ABLIM1: variants seen among roughly 807,000 people sequenced by gnomAD.
ABLIM1 encodes actin binding LIM protein 1.
ABLIM1 carries 40 observed loss-of-function variants against 107.0 expected under a neutral mutation model. The observed-to-expected ratio is 0.37, with a 90% CI of 0.29 to 0.49. The LOEUF (loss-of-function observed/expected upper bound fraction) is 0.49. Among genes scored for constraint, ABLIM1 ranks in the 20% least tolerant of loss-of-function variants. The probability of loss-of-function intolerance (pLI) is 0.97; values close to 1 mark genes in which losing one functional copy is unlikely to be tolerated. For missense variants in ABLIM1, 857 were observed against 1,008.5 expected (o/e 0.85, Z 2.04); for synonymous variants, 357 against 357.3 (o/e 1.00, Z 0.01).
intron 1 of ABLIM1, among the ~76,000 whole-genome samples, chr10:114,736,116 G>T (rs550189386): frequency 1.1e-4 from 17 of 152,288 alleles, no homozygotes; most frequent in African/African-American, 3.8e-4. Flanking sequence ...AAGAGATTTA[G>T]ACAGGTGGTG....
intron 6 of ABLIM1, among the ~76,000 whole-genome samples, chr10:114,508,464 C>T (rs571704184): frequency 3.9e-5 from 6 of 152,322 alleles, no homozygotes; most frequent in Non-Finnish European, 7.4e-5. Context: ...CTTGGGAGGT[C>T]GAGGCAGGAT....
intron 1 of ABLIM1, among the ~76,000 whole-genome samples, chr10:114,729,159 A>C (rs2082022288): frequency 1.3e-5 from 2 of 152,112 alleles, no homozygotes; most frequent in Admixed American, 1.3e-4. Flanking sequence ...TAGGGAAAGT[A>C]CTTGACCAAG....
chr10:114,512,911 A>T (rs61867865), intron 6 of ABLIM1, among the ~76,000 whole-genome samples: 2 of 136,518 alleles, frequency 1.5e-5, no homozygotes, highest in Non-Finnish European at 3.1e-5. Flanking sequence ...AAGGAAGGAA[A>T]GAAAGAGAGA....
intron 10 of ABLIM1, among the ~76,000 whole-genome samples, chr10:114,471,273 G>A (rs2066489817): frequency 6.6e-6 from 1 of 152,134 alleles, no homozygotes; most frequent in African/African-American, 2.4e-5. Context: ...CCTTGATGGA[G>A]CTGCTGGGAA....
chr10:114,696,103 C>T (rs148219825), intron 1 of ABLIM1, among the ~76,000 whole-genome samples: 7 of 152,232 alleles, frequency 4.6e-5, no homozygotes, highest in African/African-American at 1.4e-4. Flanking sequence ...CTTGATAGCC[C>T]CAGTGTCTAT....
chr10:114,453,399 G>T lies in ABLIM1; in HGVS notation c.1526C>A (p.Pro509His). The T allele has an allele frequency of 6.2e-7, 1 of 1,614,120 alleles. No individual in the cohort carries two copies. Among genetic ancestry groups the T allele is most frequent in the Non-Finnish European group, 8.5e-7 (1 of 1,180,012 alleles). ...RPLTPTYAQAPKHFHVPDQGI... is the reference protein window; with the variant it reads ...RPLTPTYAQAHKHFHVPDQGI... The stretch of plus-strand genomic sequence containing the variant: ...CCTACCTGGAACATGGAAATGTTTA[G>T]GGGCCTGAGCGTAAGTTGGAGTTAG... Residue 509 changes from proline to histidine, a missense_variant, in exon 13 of 23, where the codon CCT becomes CAT. Transcript: ENST00000533213.
chr10:114,768,781 A>G (rs1277607555), upstream of ABLIM1, among the ~76,000 whole-genome samples: 1 of 151,994 alleles, frequency 6.6e-6, no homozygotes, highest in Non-Finnish European at 1.5e-5. Context: ...CTGTGCATAC[A>G]CTTGATTTAC....
Position 114,692,031 on chromosome 10 carries a change from C to T in ABLIM1, c.-213+76030G>A, listed in dbSNP as rs892882275. On this transcript the variant is annotated intron_variant, in intron 1 of 15. Coordinates refer to the ABLIM1 transcript ENST00000651092. ...GTGTATTACTTCTAAGCTGTTCCAC[C>T]ACCTTCTCCATGGAAGCTTCATTCA... 5.3e-5 allele frequency among the ~76,000 whole-genome samples: 8 copies of T among 152,196 alleles called. No homozygotes were observed. In the East Asian group the frequency reaches 1.5e-3, roughly 29 times the overall value.
At chr10:114,487,762 T>C (rs1418000813) in intron 8 of ABLIM1, among the ~76,000 whole-genome samples, 196 bp downstream of exon 8, 1 of 152,092 alleles carries the variant, frequency 6.6e-6, no homozygotes, top group Non-Finnish European at 1.5e-5. Flanking sequence ...AACACAAGCA[T>C]TTGGAATAAA....
rs34861242 is a variant in ABLIM1, at chr10:114,568,196, CAAAAAAAAAAA to C, written c.673+3090_673+3100del. Among the ~76,000 whole-genome samples, 4 of 52,382 alleles carry C rather than the reference CAAAAAAAAAAA, an allele frequency of 7.6e-5. No individual in the cohort carries two copies. In the South Asian group the frequency reaches 3.3e-3, roughly 44 times the overall value. The allele number at this position is 52,382 out of a possible 152,430, so 34.4% of individuals were successfully genotyped here. ...TGGGCGACAGAGCAAGACTCCGTCT[CAAAAAAAAAAA>C]AAAAAAAAAAAGGCTACTTTCTACT... is the stretch of plus-strand genomic sequence containing the variant. On this transcript the variant is annotated intron_variant, in intron 4 of 22. Coordinates refer to ENST00000533213, the MANE Select transcript of ABLIM1 (RefSeq NM_002313.7).
chr10:114,481,450 A>G (rs1186350555), intron 8 of ABLIM1, among the ~76,000 whole-genome samples: 1 of 151,702 alleles, frequency 6.6e-6, no homozygotes, highest in Non-Finnish European at 1.5e-5. Flanking sequence ...CTGACACCTT[A>G]TACTAAGTCC....
intron 1 of ABLIM1, among the ~76,000 whole-genome samples, chr10:114,693,532 A>G (rs1485646873): frequency 1.3e-5 from 2 of 152,194 alleles, no homozygotes; most frequent in Non-Finnish European, 2.9e-5. Flanking sequence ...CATAGGGTTC[A>G]GGTCTATCCC....
intron 10 of ABLIM1, among the ~76,000 whole-genome samples, chr10:114,469,000 C>A (rs954263082): frequency 6.9e-6 from 1 of 145,678 alleles, no homozygotes; most frequent in Admixed American, 7.0e-5. Flanking sequence ...TGCAGTGAGC[C>A]GAGATCACGC....
At chr10:114,455,918 T>C (rs2062728715) in intron 12 of ABLIM1, among the ~76,000 whole-genome samples, 1 of 151,828 alleles carries the variant, frequency 6.6e-6, no homozygotes, top group African/African-American at 2.4e-5. Context: ...GTTCACGCCA[T>C]TCTCCCGCCT....
chr10:114,549,737 A>T (rs1250425644), intron 4 of ABLIM1, among the ~76,000 whole-genome samples: 1 of 152,256 alleles, frequency 6.6e-6, no homozygotes, highest in African/African-American at 2.4e-5. Context: ...GGGCCAGTTA[A>T]ATAAATTATA....
At chr10:114,597,003 A>G (rs1209910460) in intron 2 of ABLIM1, among the ~76,000 whole-genome samples, 1 of 152,182 alleles carries the variant, frequency 6.6e-6, no homozygotes, top group Non-Finnish European at 1.5e-5. Flanking sequence ...TCACAGTCAG[A>G]ACTGGAATGT....
At chr10:114,468,349 A>C in intron 10 of ABLIM1, 133 bp from the exon 11 acceptor site, 1 of 753,290 alleles carries the variant, frequency 1.3e-6, no homozygotes, top group South Asian at 1.5e-5. Context: ...ATCTCGGTTT[A>C]CTGCAATCTC....
chr10:114,546,090 C>G (rs773298274), intron 5 of ABLIM1, among the ~76,000 whole-genome samples: 2 of 151,954 alleles, frequency 1.3e-5, no homozygotes, highest in Admixed American at 6.6e-5. Context: ...AGCCCAGGGC[C>G]GCCTCCTTCA....
intron 4 of ABLIM1, among the ~76,000 whole-genome samples, chr10:114,559,178 A>G (rs1174690042): frequency 6.6e-6 from 1 of 152,128 alleles, no homozygotes; most frequent in Non-Finnish European, 1.5e-5. Context: ...AATCAAAAGA[A>G]GGGTTCTCTT....
Sources: allele counts gnomAD v4.1 joint callset (sites outside exome capture counted in the v4.1 genomes callset), GRCh38; gene constraint gnomAD v4.1.1; transcripts MANE v1.5; gene names NCBI Gene and HGNC (gene_info 2026-07-23, HGNC 2026-07-21).